Variants in MAN2B2 observed in about 807,000 individuals in gnomAD.
The protein encoded by MAN2B2 is mannosidase alpha class 2B member 2.
Under a neutral mutation model 117.1 loss-of-function variants are expected in MAN2B2, and 106 were observed. The observed-to-expected ratio is 0.90, with a 90% CI of 0.77 to 1.06. The LOEUF (loss-of-function observed/expected upper bound fraction) is 1.06, where lower values mean the gene tolerates loss of function less well. Ranked by LOEUF, MAN2B2 falls within the 50% of genes least tolerant of loss-of-function variation. MAN2B2 has a pLI of 0.00. For missense variants in MAN2B2, 1,326 were observed against 1,381.4 expected (o/e 0.96, Z 0.64); for synonymous variants, 544 against 595.1 (o/e 0.91, Z 1.25).
intron 4 of MAN2B2, among the ~76,000 whole-genome samples, chr4:6,587,522 T>G (rs1398434781): frequency 6.6e-6 from 1 of 152,110 alleles, no homozygotes; most frequent in African/African-American, 2.4e-5. Context: ...ACTAGAGGAA[T>G]GGCAGGGTGT....
In MAN2B2 at chr4:6,579,355, CCACCAT is replaced by C. The variant is rs1453897311; in HGVS notation, c.391+869_391+874del. Reference sequence around the variant, plus strand: ...ACCACCACCACCATCACCATCACCACCACCATCACCATCACCACCACCACCACTACC... The same window carrying C: ...ACCACCACCACCATCACCATCACCACCACCATCACCACCACCACCACTACC... On this transcript the variant is annotated intron_variant, in intron 3 of 18. Transcript: ENST00000285599. 3.7e-3 allele frequency among the ~76,000 whole-genome samples: 413 copies of C among 112,782 alleles called. 18 individuals are homozygous for C. The highest frequency in any genetic ancestry group is 0.014 in the African/African-American group (390 of 28,664). 74.0% of individuals were successfully genotyped at this position (112,782 alleles called of 152,430 possible).
chr4:6,621,376 TGG>T lies in MAN2B2; in HGVS notation c.*93_*94del. ...GACAGGGAAAAGCAGTGCGGAGGGATGGGACTGGGGAGTCAGCTGCTCATCTG... is the reference window on the plus strand; with the variant it reads ...GACAGGGAAAAGCAGTGCGGAGGGATGACTGGGGAGTCAGCTGCTCATCTG... On this transcript the variant is annotated 3_prime_UTR_variant, in exon 19 of 19. Transcript: ENST00000285599. 9.5e-7 allele frequency: 1 copy of T among 1,051,548 alleles called. No homozygotes were observed. Among genetic ancestry groups the T allele is most frequent in the Non-Finnish European group, 1.4e-6 (1 of 711,548 alleles). The allele number at this position is 1,051,548 out of a possible 1,614,324, so 65.1% of individuals were successfully genotyped here.
Position 6,621,331 on chromosome 4 carries a change from A to T in MAN2B2, c.*46A>T, listed in dbSNP as rs374139892. 4.6e-6 allele frequency: 7 copies of T among 1,521,712 alleles called. No individual in the cohort carries two copies. The Admixed American group carries it at 6.8e-5, about 15-fold the overall frequency. 94.3% of individuals were successfully genotyped at this position (1,521,712 alleles called of 1,614,324 possible). A position where few individuals can be genotyped will look rare whatever the true frequency, so the allele number is the denominator to read the frequency against. On this transcript the variant is annotated 3_prime_UTR_variant, in exon 19 of 19. Transcript: ENST00000285599. ...CCCCAGGGCTTCCCCCAGGAACTCC[A>T]TGTAACAGAACAGACCCAGGACAGG... is the stretch of plus-strand genomic sequence containing the variant.
chr4:6,585,241 C>T (rs1172388616), intron 3 of MAN2B2, among the ~76,000 whole-genome samples: 2 of 152,182 alleles, frequency 1.3e-5, no homozygotes, highest in South Asian at 2.1e-4. Flanking sequence ...GACTGCTGCT[C>T]GGTCCCAGCA....
At position 6,609,895 on chromosome 4, in the gene MAN2B2, C is replaced by G. The variant is rs116698077; in HGVS notation, c.2104C>G (p.Gln702Glu). ...DGELLCHRIE[Q>E]EYQAGPLELN... ...GGAGCTGCTCTGCCACCGGATAGAG[C>G]AGGAGTACCAAGCCGGCCCCCTGGA... The change falls in exon 13 of 19, where the codon CAG becomes GAG. Residue 702 changes from glutamine to glutamate, a missense_variant. Gln to Glu is a conservative substitution (Grantham distance 29). Coordinates refer to ENST00000285599, the MANE Select transcript of MAN2B2 (RefSeq NM_015274.3). 213 of 1,614,166 alleles carry G rather than the reference C, an allele frequency of 1.3e-4. No homozygotes were observed. In the African/African-American group the frequency reaches 2.6e-3, roughly 19 times the overall value.
At chr4:6,620,779 A>G (rs1712135944) in intron 18 of MAN2B2, 1 of 173,948 alleles carries the variant, frequency 5.7e-6, no homozygotes, top group African/African-American at 2.4e-5. Flanking sequence ...TCGAAGCCCA[A>G]CCCCAGGGCA....
chr4:6,609,298 G>C lies in MAN2B2; in HGVS notation c.2006G>C (p.Arg669Thr). 1 of 1,613,400 alleles carries C rather than the reference G, an allele frequency of 6.2e-7. No homozygotes were observed. The highest frequency in any genetic ancestry group is 8.5e-7 in the Non-Finnish European group (1 of 1,179,740). The change falls in exon 12 of 19, where the codon AGG (arginine) becomes ACG (threonine). Residue 669 changes from arginine to threonine, a missense_variant and splice_region_variant. Arg to Thr is a moderately conservative substitution (Grantham distance 71). Coordinates refer to ENST00000285599, the MANE Select transcript of MAN2B2 (RefSeq NM_015274.3). ...ACTGAGATCCGGCAGTACTTCTACA[G>C]GTGCTTCCCCTGGGGTGACCCCCAC... ...LVTEIRQYFY[R>T]NMTAQNYTYA...
Position 6,602,477 on chromosome 4 carries a change from C to A in MAN2B2, c.1539+1721C>A, listed in dbSNP as rs568969851. Among the ~76,000 whole-genome samples, 71 of 152,176 alleles carry A rather than the reference C, an allele frequency of 4.7e-4. 2 individuals are homozygous for A. In the South Asian group the frequency reaches 0.014, roughly 29 times the overall value. On this transcript the variant is annotated intron_variant, in intron 10 of 18. Coordinates refer to ENST00000285599, the MANE Select transcript of MAN2B2 (RefSeq NM_015274.3). ...TAATCCCATTCTTGAGGGCAGCACC[C>A]TCCGACCTAATCACCTCCCCAAGGC... is the stretch of plus-strand genomic sequence containing the variant.
At position 6,597,167 on chromosome 4, in the gene MAN2B2, T is replaced by A. The variant is rs1434771370; in HGVS notation, c.1112T>A (p.Leu371Gln). The change falls in exon 8 of 19, where the codon CTG becomes CAG. Residue 371 changes from leucine (L) to glutamine (Q), a missense_variant. Coordinates refer to ENST00000285599, the MANE Select transcript of MAN2B2 (RefSeq NM_015274.3). ...ACGTCCCGCAGCTCACTGAAGGGGC[T>A]GGCCCGGCGAGCCAGCGCCTTGTTG... ...FYTSRSSLKG[L>Q]ARRASALLYA... is the part of the protein sequence containing the mutation. 13 of 1,612,908 alleles carry A rather than the reference T, an allele frequency of 8.1e-6. No homozygotes were observed. Among genetic ancestry groups the A allele is most frequent in the South Asian group, 1.1e-5 (1 of 91,044 alleles).
intron 9 of MAN2B2, among the ~76,000 whole-genome samples, chr4:6,599,041 G>A (rs1440894010): frequency 1.3e-5 from 2 of 152,234 alleles, no homozygotes; most frequent in Non-Finnish European, 2.9e-5. Context: ...AGACTTTTGT[G>A]TGCATAGGCC....
intron 17 of MAN2B2, chr4:6,618,918 G>C (rs765657778): frequency 3.3e-5 from 5 of 152,250 alleles, no homozygotes; most frequent in African/African-American, 4.8e-5. Flanking sequence ...CTGAGAGCAG[G>C]TCTAGGCCAT....
rs113583457 is a variant in MAN2B2 at position 6,609,263 on chromosome 4, A to T, written c.1971A>T (p.Gly657=). The T allele has an allele frequency of 3.1e-6, 5 of 1,613,540 alleles. No individual in the cohort carries two copies. Among genetic ancestry groups the T allele is most frequent in the African/African-American group, 2.7e-5 (2 of 75,006 alleles). Reference sequence around the variant, plus strand: ...CTGTGGAAATGGAGATTGTGGCGGGACAGCTTGTGACTGAGATCCGGCAGT... The same window carrying T: ...CTGTGGAAATGGAGATTGTGGCGGGTCAGCTTGTGACTGAGATCCGGCAGT... ...WEAVEMEIVA[G]QLVTEIRQYF... The change falls in exon 12 of 19, where the codon GGA becomes GGT. Residue 657 remains glycine, a synonymous_variant. Transcript: ENST00000285599.
At chr4:6,583,133 G>A (rs1172445523) in intron 3 of MAN2B2, among the ~76,000 whole-genome samples, 1 of 152,186 alleles carries the variant, frequency 6.6e-6, no homozygotes, top group African/African-American at 2.4e-5. Context: ...CCACTGAGTT[G>A]TCCTTCCAGC....
chr4:6,583,510 C>G (rs746698224), intron 3 of MAN2B2, among the ~76,000 whole-genome samples: 6 of 152,208 alleles, frequency 3.9e-5, no homozygotes, highest in Non-Finnish European at 7.3e-5. Flanking sequence ...CTCAGGAATG[C>G]TTTCTGCTGG....
At position 6,611,279 on chromosome 4, in the gene MAN2B2, G is replaced by A. The variant is rs746643241; in HGVS notation, c.2563+1G>A. The A allele has an allele frequency of 9.4e-6, 15 of 1,593,930 alleles. No individual in the cohort carries two copies. The highest frequency in any genetic ancestry group is 1.3e-5 in the Non-Finnish European group (15 of 1,169,732). ...GTGGTGCTGTTCGGAGACCTCGCTG[G>A]TAAAGGGGCACCCTTTCAGAGTAAC... On this transcript the variant is annotated splice_donor_variant, in intron 15 of 18. Coordinates refer to ENST00000285599, the MANE Select transcript of MAN2B2 (RefSeq NM_015274.3). LOFTEE classifies it high-confidence loss of function.
chr4:6,618,831 A>T (rs1434292729), intron 17 of MAN2B2: 5 of 152,242 alleles, frequency 3.3e-5, no homozygotes, highest in African/African-American at 1.2e-4. Flanking sequence ...TTTCGCCATG[A>T]TGTCTTACTG....
chr4:6,615,626 G>A (rs1034031029), intron 16 of MAN2B2, among the ~76,000 whole-genome samples: 1 of 151,886 alleles, frequency 6.6e-6, no homozygotes, highest in African/African-American at 2.4e-5. Context: ...GCTAGACTCT[G>A]TCTCTACAAA....
Position 6,610,886 on chromosome 4 carries a change from T to C in MAN2B2, c.2266T>C (p.Tyr756His), listed in dbSNP as rs921112119. Reference sequence around the variant, plus strand: ...GCGATGTTTCTGTCTGCAGAATTACTACCCCATGGTTCAGTCGGCCTTCAT... The same window carrying C: ...GCGATGTTTCTGTCTGCAGAATTACCACCCCATGGTTCAGTCGGCCTTCAT... ...YVNNSIARNY[Y>H]PMVQSAFMED... is the part of the protein sequence containing the mutation. The change falls in exon 14 of 19, where the codon TAC becomes CAC. Residue 756 changes from tyrosine to histidine, a missense_variant. Transcript: ENST00000285599. The C allele has an allele frequency of 6.2e-7, 1 of 1,614,064 alleles. No individual in the cohort carries two copies. Among genetic ancestry groups the C allele is most frequent in the Non-Finnish European group, 8.5e-7 (1 of 1,180,004 alleles).
In MAN2B2 at chr4:6,610,998, G is replaced by T; in HGVS notation, c.2370+8G>T. The T allele has an allele frequency of 6.2e-7, 1 of 1,614,046 alleles. No individual in the cohort carries two copies. The highest frequency in any genetic ancestry group is 2.2e-5 in the East Asian group (1 of 44,878). ...GGGAATGGGCAGGTGGAGGTAGGAG[G>T]CACGGTCTGTCCTACAGCAGCCCCT... On this transcript the variant is annotated splice_region_variant and intron_variant, in intron 14 of 18. Coordinates refer to ENST00000285599, the MANE Select transcript of MAN2B2 (RefSeq NM_015274.3).
Sources: gnomAD v4.1 joint callset for allele counts (sites outside exome capture counted in the v4.1 genomes callset) on GRCh38, gnomAD v4.1.1 for gene constraint, MANE v1.5 for transcripts, NCBI Gene and HGNC (gene_info 2026-07-23, HGNC 2026-07-21) for gene names.